The following GALNT17 variants were observed in gnomAD, a reference collection of about 807,000 sequenced individuals.
The protein encoded by GALNT17 is UDP-GalNAc:polypeptide N-acetylgalactosaminyltransferase-like 3.
In GALNT17, 29 loss-of-function variants were observed where a neutral mutation model predicts 63.7. The ratio of observed to expected loss-of-function variants is 0.46; its 90% CI spans 0.34 to 0.62. The LOEUF is 0.62. Among genes scored for constraint, GALNT17 ranks in the 20% least tolerant of loss-of-function variants. The pLI is 0.01. For missense variants in GALNT17, 603 were observed against 799.6 expected (o/e 0.75, Z 2.97); for synonymous variants, 305 against 318.3 (o/e 0.96, Z 0.45).
intron 2 of GALNT17, among the ~76,000 whole-genome samples, chr7:71,357,912 C>T (rs949536825): frequency 3.3e-5 from 5 of 152,144 alleles, no homozygotes; most frequent in African/African-American, 1.2e-4. Flanking sequence ...CAGCAGGATC[C>T]TAAAAGTAGC....
At chr7:71,159,872 T>G (rs1358107040) in intron 1 of GALNT17, among the ~76,000 whole-genome samples, 3 of 149,768 alleles carry the variant, frequency 2.0e-5, no homozygotes, top group African/African-American at 7.6e-5. Flanking sequence ...ACCTCCACTT[T>G]CTGGGTTCAA....
At chr7:71,332,366 A>G (rs1288935033) in intron 1 of GALNT17, among the ~76,000 whole-genome samples, 1 of 152,110 alleles carries the variant, frequency 6.6e-6, no homozygotes, top group Non-Finnish European at 1.5e-5. Context: ...ATTTCTCAAG[A>G]GAACCCAAAA....
chr7:71,377,076 A>G (rs1263530648), intron 2 of GALNT17, among the ~76,000 whole-genome samples: 4 of 119,692 alleles, frequency 3.3e-5, no homozygotes, highest in African/African-American at 1.0e-4. Flanking sequence ...ACAGAGCGAT[A>G]TTCCATCTCA....
intron 7 of GALNT17, among the ~76,000 whole-genome samples, chr7:71,668,450 A>C (rs987440956): frequency 2.0e-4 from 24 of 123,058 alleles, no homozygotes; most frequent in African/African-American, 7.1e-4. Context: ...TGGGAGGCAG[A>C]GGTTGCGGTG....
chr7:71,616,177 G>A (rs1790199117), intron 6 of GALNT17, among the ~76,000 whole-genome samples: 1 of 152,092 alleles, frequency 6.6e-6, no homozygotes, highest in Admixed American at 6.5e-5. Context: ...CTGGCAGGTG[G>A]TCAAGACTGG....
At chr7:71,389,904 G>T (rs1184495136) in intron 3 of GALNT17, among the ~76,000 whole-genome samples, 3 of 152,110 alleles carry the variant, frequency 2.0e-5, no homozygotes, top group Non-Finnish European at 4.4e-5. Context: ...GGCAAATATT[G>T]CATGTCAATA....
intron 1 of GALNT17, among the ~76,000 whole-genome samples, chr7:71,268,312 T>A (rs1239871306): frequency 6.7e-6 from 1 of 150,300 alleles, no homozygotes; most frequent in Non-Finnish European, 1.5e-5. Context: ...GAGGTCGAGG[T>A]GGGTGGATCC....
At chr7:71,296,122 A>G (rs1431817709) in intron 1 of GALNT17, among the ~76,000 whole-genome samples, 3 of 152,078 alleles carry the variant, frequency 2.0e-5, no homozygotes, top group South Asian at 2.1e-4. Context: ...CTGTCTTTGA[A>G]GTTATGGGCA....
chr7:71,423,950 T>G (rs1005042067), intron 5 of GALNT17, among the ~76,000 whole-genome samples: 5 of 152,094 alleles, frequency 3.3e-5, no homozygotes, highest in South Asian at 4.1e-4. Flanking sequence ...AGTAAGCTTT[T>G]GAAAAGTTCG....
intron 6 of GALNT17, among the ~76,000 whole-genome samples, chr7:71,632,703 G>C (rs916956563): frequency 1.3e-5 from 2 of 152,152 alleles, no homozygotes; most frequent in Non-Finnish European, 2.9e-5. Flanking sequence ...CCCAGACCAG[G>C]GGGAGGATTG....
intron 2 of GALNT17, among the ~76,000 whole-genome samples, chr7:71,345,271 T>C (rs1389010197): frequency 2.0e-5 from 3 of 152,114 alleles, no homozygotes; most frequent in Admixed American, 1.3e-4. Context: ...TGTCTGTGCT[T>C]ATTAAAGCCA....
intron 1 of GALNT17, among the ~76,000 whole-genome samples, chr7:71,191,045 T>G (rs1054897668): frequency 2.2e-4 from 33 of 152,206 alleles, no homozygotes; most frequent in Non-Finnish European, 3.2e-4. Flanking sequence ...TTTCATTTTT[T>G]GGGGGTTTTA....
intron 4 of GALNT17, among the ~76,000 whole-genome samples, chr7:71,418,238 TGTCTGTGACTTTA>T (rs1786583308): frequency 6.6e-6 from 1 of 152,234 alleles, no homozygotes; most frequent in East Asian, 1.9e-4. Context: ...TTCTCACTGA[TGTCTGTGACTTTA>T]GTCTTTGCCA....
At position 71,629,460 on chromosome 7, in the gene GALNT17, C is replaced by G. The variant is rs576653081; in HGVS notation, c.1081-35951C>G. On this transcript the variant is annotated intron_variant, in intron 6 of 10. Coordinates refer to ENST00000333538, the MANE Select transcript of GALNT17 (RefSeq NM_022479.3). The stretch of plus-strand genomic sequence containing the variant: ...GGTTTTGGGATCCCTTAAAGCTTAT[C>G]TAAAATCTCTAGGTTCGTTTTTATT... Among the ~76,000 whole-genome samples the G allele has an allele frequency of 3.3e-5, 5 of 152,220 alleles. No homozygotes were observed. The East Asian group carries it at 7.7e-4, about 24-fold the overall frequency.
chr7:71,405,034 C>T (rs1208948776), intron 3 of GALNT17, among the ~76,000 whole-genome samples: 2 of 152,212 alleles, frequency 1.3e-5, no homozygotes, highest in African/African-American at 2.4e-5. Flanking sequence ...GTGCTTTGCA[C>T]TCACATTTGG....
At chr7:71,485,848 A>G (rs1018366471) in intron 5 of GALNT17, among the ~76,000 whole-genome samples, 1 of 152,198 alleles carries the variant, frequency 6.6e-6, no homozygotes, top group African/African-American at 2.4e-5. Flanking sequence ...TCAACCAGAA[A>G]TTGTGTAAGC....
At chr7:71,273,105 T>G (rs1790622353) in intron 1 of GALNT17, among the ~76,000 whole-genome samples, 1 of 152,022 alleles carries the variant, frequency 6.6e-6, no homozygotes, top group Non-Finnish European at 1.5e-5. Flanking sequence ...TTTTAACAAT[T>G]TTATATGCAT....
At chr7:71,328,313 C>A (rs1053530189) in intron 1 of GALNT17, among the ~76,000 whole-genome samples, 1 of 152,182 alleles carries the variant, frequency 6.6e-6, no homozygotes, top group African/African-American at 2.4e-5. Flanking sequence ...AAGAAGGGAA[C>A]AATGAATTCT....
chr7:71,259,638 GTTTTTTTGTT>G (rs1790348197), intron 1 of GALNT17, among the ~76,000 whole-genome samples: 1 of 137,970 alleles, frequency 7.2e-6, no homozygotes, highest in Admixed American at 7.1e-5. Context: ...TTTGTTTTTT[GTTTTTTTGTT>G]TTTTTTTTTT....
Sources: allele counts gnomAD v4.1 joint callset (sites outside exome capture counted in the v4.1 genomes callset), GRCh38; gene constraint gnomAD v4.1.1; transcripts MANE v1.5; gene names NCBI Gene and HGNC (gene_info 2026-07-23, HGNC 2026-07-21).